SMG6: variants seen among roughly 807,000 people sequenced by gnomAD.
The protein encoded by SMG6 is telomerase-binding protein EST1A.
In SMG6, 66 loss-of-function variants were observed where a neutral mutation model predicts 142.2. The ratio of observed to expected loss-of-function variants is 0.46; its 90% confidence interval spans 0.38 to 0.57. The LOEUF (loss-of-function observed/expected upper bound fraction) is 0.57, where lower values mean the gene tolerates loss of function less well. SMG6 is among the 20% of genes least tolerant of loss of function. SMG6 has a pLI of 0.00. For missense variants in SMG6, 1,793 were observed against 1,832.0 expected (o/e 0.98, Z 0.39); for synonymous variants, 779 against 702.4 (o/e 1.11, Z -1.72).
chr17:2,230,078 C>T (rs2073427884), intron 10 of SMG6, among the ~76,000 whole-genome samples: 2 of 149,342 alleles, frequency 1.3e-5, no homozygotes, highest in African/African-American at 2.5e-5. Context: ...CCCAGCTACT[C>T]GGGAGGCTGA....
At chr17:2,186,133 C>T (rs2071975012) in intron 12 of SMG6, among the ~76,000 whole-genome samples, 1 of 151,742 alleles carries the variant, frequency 6.6e-6, no homozygotes. Context: ...GAGGCCGAGG[C>T]AGGAGGATCA....
At chr17:2,297,434 T>C (rs1191774669) in intron 3 of SMG6, 81 bp from the exon 4 acceptor site, 2 of 992,748 alleles carry the variant, frequency 2.0e-6, no homozygotes, top group African/African-American at 3.2e-5. Context: ...AGACAACCCT[T>C]TCACAGTTCT....
At chr17:2,080,523 G>A (rs949012073) in intron 15 of SMG6, among the ~76,000 whole-genome samples, 25 of 152,344 alleles carry the variant, frequency 1.6e-4, no homozygotes, top group Admixed American at 4.6e-4. Flanking sequence ...AAAGGTGGCC[G>A]TTCATGGAGC....
chr17:2,154,144 C>T (rs371057968), intron 13 of SMG6, among the ~76,000 whole-genome samples: 25 of 136,166 alleles, frequency 1.8e-4, no homozygotes, highest in South Asian at 1.4e-3. Flanking sequence ...TAGAGTGTGA[C>T]GGTGACTGGG....
intron 13 of SMG6, among the ~76,000 whole-genome samples, chr17:2,112,523 A>AT: frequency 1.2e-5 from 1 of 83,124 alleles, no homozygotes; most frequent in Non-Finnish European, 2.2e-5. Context: ...AAATAAAATA[A>AT]AAAATAAATA....
chr17:2,140,945 A>G (rs1316473009), intron 13 of SMG6, among the ~76,000 whole-genome samples: 1 of 152,186 alleles, frequency 6.6e-6, no homozygotes, highest in Non-Finnish European at 1.5e-5. Flanking sequence ...TTATGATTCA[A>G]AAGGCTGAGG....
At chr17:2,208,495 C>A (rs1474227341) in intron 10 of SMG6, among the ~76,000 whole-genome samples, 1 of 152,232 alleles carries the variant, frequency 6.6e-6, no homozygotes, top group African/African-American at 2.4e-5. Context: ...CCCACCAAAT[C>A]TGAAGTGCTT....
chr17:2,299,942 C>T lies in SMG6; in HGVS notation c.811G>A (p.Ala271Thr), dbSNP rs868108800. The T allele has an allele frequency of 6.2e-7, 1 of 1,614,044 alleles. No homozygotes were observed. The highest frequency in any genetic ancestry group is 1.3e-5 in the African/African-American group (1 of 74,946). Residue 271 changes from alanine to threonine, a missense_variant, in exon 2 of 19, where the codon GCT becomes ACT. Transcript: ENST00000263073. This position sits in a 1 kb window ranked among gnomAD's most constrained non-coding sequence, Gnocchi z 4.3. The stretch of plus-strand genomic sequence containing the variant: ...CGACATCCATTATCCGTCAGGCCAG[C>T]TCCCTCAGCGCTGTTGTTGCTGCCA... ...SAGSNNSAEG[A>T]GLTDNGCRRR...
chr17:2,259,673 C>T (rs55891412), intron 8 of SMG6, among the ~76,000 whole-genome samples: 2 of 86,178 alleles, frequency 2.3e-5, no homozygotes, highest in Non-Finnish European at 4.6e-5. Context: ...ACCCTGTCTC[C>T]AAAAAAAAAA....
At chr17:2,066,279 C>T (rs528556715) in intron 16 of SMG6, among the ~76,000 whole-genome samples, 31 of 150,664 alleles carry the variant, frequency 2.1e-4, no homozygotes, top group Middle Eastern at 3.4e-3. Flanking sequence ...TGTCTGTGTG[C>T]GTGTATGTGT....
At chr17:2,240,389 A>T (rs891328123) in intron 9 of SMG6, among the ~76,000 whole-genome samples, 12 of 152,114 alleles carry the variant, frequency 7.9e-5, no homozygotes, top group African/African-American at 2.4e-4. Context: ...GTTTTTCTCA[A>T]CCTCTTATTT....
intron 13 of SMG6, chr17:2,122,393 C>T (rs963225399): frequency 3.9e-5 from 6 of 152,202 alleles, no homozygotes; most frequent in African/African-American, 1.4e-4. Flanking sequence ...CTGCATCAAT[C>T]CCTGTTGCCG....
intron 8 of SMG6, among the ~76,000 whole-genome samples, chr17:2,277,680 T>C (rs1411251142): frequency 6.6e-6 from 1 of 152,210 alleles, no homozygotes; most frequent in African/African-American, 2.4e-5. Context: ...AGGAATAATT[T>C]ATGTTCAAAT....
intron 13 of SMG6, among the ~76,000 whole-genome samples, chr17:2,141,028 G>C (rs1296281779): frequency 6.6e-6 from 1 of 152,182 alleles, no homozygotes; most frequent in Non-Finnish European, 1.5e-5. Flanking sequence ...ATCTGGCCAG[G>C]AGAATGATCT....
intron 13 of SMG6, among the ~76,000 whole-genome samples, chr17:2,139,418 C>CTTT (rs1230767091): frequency 8.0e-6 from 1 of 124,760 alleles, no homozygotes. Context: ...AAAGTGCCTG[C>CTTT]TTTTTTCTTT....
intron 10 of SMG6, among the ~76,000 whole-genome samples, chr17:2,188,795 C>T (rs1256547211): frequency 6.6e-6 from 1 of 152,214 alleles, no homozygotes; most frequent in Non-Finnish European, 1.5e-5. Context: ...GCTGGAGCTG[C>T]ATGGTCTCTG....
chr17:2,085,933 C>G lies in SMG6; in HGVS notation c.3358-32G>C, dbSNP rs780000321. Reference sequence around the variant, plus strand: ...GGTGAGAGGGAGAGAAGAAAAACAGCATTTTCTGAAAGGGAAGATGGAGAC... The same window carrying G: ...GGTGAGAGGGAGAGAAGAAAAACAGGATTTTCTGAAAGGGAAGATGGAGAC... On this transcript the variant is annotated intron_variant, in intron 13 of 18. Transcript: ENST00000263073. The surrounding 1 kb of genome is among the most constrained non-coding windows in gnomAD (Gnocchi z 4.1). 1.2e-6 allele frequency: 2 copies of G among 1,606,180 alleles called. No homozygotes were observed. Among genetic ancestry groups the G allele is most frequent in the South Asian group, 2.2e-5 (2 of 90,714 alleles).
rs1284372906 is a variant in SMG6, at chr17:2,172,760, G to A, written c.3255C>T (p.Asp1085=). 1.2e-6 allele frequency: 2 copies of A among 1,614,028 alleles called. No homozygotes were observed. The highest frequency in any genetic ancestry group is 1.7e-6 in the Non-Finnish European group (2 of 1,180,034). ...CCTCTTCCAGGATAAGAAGGGTGAGGTCATCATCCGGGTCCTTGTACAGTG... is the reference window on the plus strand; with the variant it reads ...CCTCTTCCAGGATAAGAAGGGTGAGATCATCATCCGGGTCCTTGTACAGTG... ...EVPLYKDPDD[D]LTLLILEEDR... Residue 1085 remains aspartate (D), a synonymous_variant, in exon 13 of 19, where the codon GAC becomes GAT. Transcript: ENST00000263073.
intron 12 of SMG6, among the ~76,000 whole-genome samples, chr17:2,173,959 AAC>A (rs1272211147): frequency 4.6e-5 from 7 of 150,690 alleles, no homozygotes; most frequent in African/African-American, 1.7e-4. Context: ...GAAAGCACCT[AAC>A]CAGGAGTCTG....
Sources: allele counts gnomAD v4.1 joint callset (sites outside exome capture counted in the v4.1 genomes callset), GRCh38; gene constraint gnomAD v4.1.1; non-coding constraint Gnocchi (gnomAD v3.1); transcripts MANE v1.5; gene names NCBI Gene and HGNC (gene_info 2026-07-23, HGNC 2026-07-21).